Variants in TUT4 observed in about 807,000 individuals in gnomAD.
The protein encoded by TUT4 is terminal uridylyl transferase 4, also known as terminal uridylyltransferase 4.
In TUT4, 36 loss-of-function variants were observed where a neutral mutation model predicts 192.2. The observed-to-expected ratio is 0.19, with a 90% CI of 0.14 to 0.25. The LOEUF (loss-of-function observed/expected upper bound fraction) is 0.25, where lower values mean the gene tolerates loss of function less well. TUT4 is among the 10% of genes least tolerant of loss of function. The pLI, the probability that TUT4 is intolerant of heterozygous loss-of-function variation, is 1.00. For synonymous variants in TUT4, 618 were observed against 666.0 expected (o/e 0.93, Z 1.11); for missense variants, 1,493 against 1,957.2 (o/e 0.76, Z 4.47).
At chr1:52,514,672 A>C (rs1352751559) in intron 3 of TUT4, 1 of 152,212 alleles carries the variant, frequency 6.6e-6, no homozygotes, top group Non-Finnish European at 1.5e-5. Flanking sequence ...AAACTATACA[A>C]AATCATACCA....
At chr1:52,490,920 C>A in intron 7 of TUT4, 119 bp from the exon 8 acceptor site, 1 of 827,256 alleles carries the variant, frequency 1.2e-6, no homozygotes. Context: ...TGGGATAATC[C>A]ACTCTTCTCA....
chr1:52,553,222 A>G (rs1689944728), upstream of TUT4: 1 of 151,714 alleles, frequency 6.6e-6, no homozygotes. Flanking sequence ...GGGAGAGGAC[A>G]GAGCCTGTAA....
intron 4 of TUT4, among the ~76,000 whole-genome samples, chr1:52,498,370 A>G (rs993606824): frequency 6.6e-6 from 1 of 150,620 alleles, no homozygotes; most frequent in African/African-American, 2.4e-5. Context: ...CAGCCTTCCG[A>G]GTAGCTGGGA....
intron 1 of TUT4, among the ~76,000 whole-genome samples, chr1:52,542,157 T>G (rs116242810): frequency 0.012 from 1,750 of 152,146 alleles, 34 homozygotes; most frequent in African/African-American, 0.04. Context: ...CATAGAGAAA[T>G]AAAGTAGAAT....
In TUT4 at chr1:52,525,979, A is replaced by G. The variant is rs1259906569; in HGVS notation, c.302T>C (p.Phe101Ser). 1.9e-6 allele frequency: 3 copies of G among 1,613,938 alleles called. No individual in the cohort carries two copies. Among genetic ancestry groups the G allele is most frequent in the Admixed American group, 1.7e-5 (1 of 59,984 alleles). ...RDQSHCKAKK[F>S]PNSPVKAEKA... Reference sequence around the variant, plus strand: ...TTCGGCTTTCACCGGTGAATTAGGAAATTTTTTTGCTTTGCAATGACTTTG... The same window carrying G: ...TTCGGCTTTCACCGGTGAATTAGGAGATTTTTTTGCTTTGCAATGACTTTG... The change falls in exon 2 of 30, where the codon TTT becomes TCT. Residue 101 changes from phenylalanine (F) to serine (S), a missense_variant. This residue lies in a region of TUT4 where 260 missense variants were observed against 247.8 expected (regional missense o/e 1.05). Transcript: ENST00000257177.
chr1:52,503,466 T>C (rs1674710939), intron 4 of TUT4, among the ~76,000 whole-genome samples: 1 of 152,206 alleles, frequency 6.6e-6, no homozygotes, highest in Non-Finnish European at 1.5e-5. Flanking sequence ...TTGAGTCTAT[T>C]CTCCTTTTAT....
At chr1:52,462,969 CA>C (rs1306818848) in intron 16 of TUT4, 1 of 985,304 alleles carries the variant, frequency 1.0e-6, no homozygotes, top group Non-Finnish European at 1.2e-6. Context: ...GGAGCCATTG[CA>C]GCTAAACCAA....
Position 52,436,893 on chromosome 1 carries a change from C to T in TUT4, c.4024G>A (p.Asp1342Asn), listed in dbSNP as rs749579251. ...CGAGTATCGTGGAGGTCTCGGGGGT[C>T]AAGAACATCTCGGGAATCTTTCTCT... ...EEEKDSRDVL[D>N]PRDLHDTRDF... The change falls in exon 26 of 30, where the codon GAC (aspartate) becomes AAC (asparagine). Residue 1342 changes from aspartate (D) to asparagine (N), a missense_variant. By Grantham distance (23) the Asp-to-Asn change is conservative. This residue lies in a region of TUT4 where 351 missense variants were observed against 397.8 expected (regional missense o/e 0.88). Coordinates refer to ENST00000257177, the MANE Select transcript of TUT4 (RefSeq NM_001009881.3). 2 of 1,598,790 alleles carry T rather than the reference C, an allele frequency of 1.3e-6. No individual in the cohort carries two copies. Among genetic ancestry groups the T allele is most frequent in the Non-Finnish European group, 1.7e-6 (2 of 1,173,694 alleles).
intron 3 of TUT4, among the ~76,000 whole-genome samples, chr1:52,513,065 G>A (rs1199694237): frequency 1.3e-5 from 2 of 151,212 alleles, no homozygotes; most frequent in African/African-American, 4.9e-5. Context: ...AGAGGTTGCA[G>A]TGAGCCGAGA....
intron 8 of TUT4, 65 bp from the exon 9 acceptor site, chr1:52,489,100 C>CTG: frequency 6.8e-7 from 1 of 1,461,646 alleles, no homozygotes; most frequent in South Asian, 1.5e-5. Flanking sequence ...ACTTCAAATC[C>CTG]TGTGGCTATT....
At chr1:52,548,388 T>G (rs1479566536) in intron 1 of TUT4, among the ~76,000 whole-genome samples, 1 of 152,202 alleles carries the variant, frequency 6.6e-6, no homozygotes, top group African/African-American at 2.4e-5. Context: ...TTGCAAAATA[T>G]TTTTAACAAC....
At chr1:52,537,968 G>T (rs1685409779) in intron 1 of TUT4, among the ~76,000 whole-genome samples, 1 of 152,152 alleles carries the variant, frequency 6.6e-6, no homozygotes, top group Non-Finnish European at 1.5e-5. Flanking sequence ...GGGCATGGCG[G>T]CTCATGCCTA....
Position 52,463,364 on chromosome 1 carries a change from C to A in TUT4, c.3070-1595G>T, listed in dbSNP as rs1007447696. ...TAAGTAAAGGAGAACAAATAAAATA[C>A]TTGCAACTTTTCAGTTTCTTTATAA... On this transcript the variant is annotated intron_variant, in intron 16 of 29. Transcript: ENST00000257177. 13 of 996,564 alleles carry A rather than the reference C, an allele frequency of 1.3e-5. No individual in the cohort carries two copies. In the South Asian group the frequency reaches 2.2e-4, roughly 17 times the overall value. 61.7% of individuals were successfully genotyped at this position (996,564 alleles called of 1,614,324 possible).
At chr1:52,437,903 C>T (rs556505967) in intron 25 of TUT4, among the ~76,000 whole-genome samples, 11 of 151,248 alleles carry the variant, frequency 7.3e-5, no homozygotes, top group Admixed American at 2.0e-4. Flanking sequence ...TGCAGTGAGC[C>T]GAGATCACAC....
intron 1 of TUT4, among the ~76,000 whole-genome samples, chr1:52,548,178 T>C (rs1312656978): frequency 6.6e-6 from 1 of 152,038 alleles, no homozygotes; most frequent in Non-Finnish European, 1.5e-5. Flanking sequence ...CTCCAAAAGG[T>C]CCCCATAGTT....
At chr1:52,526,699 C>G (rs1054538560) in intron 1 of TUT4, among the ~76,000 whole-genome samples, 10 of 152,092 alleles carry the variant, frequency 6.6e-5, no homozygotes, top group African/African-American at 2.4e-4. Context: ...TCACAATTAA[C>G]ATGAAAGGAA....
Position 52,549,007 on chromosome 1 carries a change from T to C in TUT4, c.-94+3924A>G, listed in dbSNP as rs370654912. On this transcript the variant is annotated intron_variant, in intron 1 of 29. Transcript: ENST00000257177. ...GAGGTGTTTTCATCCCAAAAGACTTTTCCAAAAAATTAAAAGTTCTTGGAC... is the reference window on the plus strand; with the variant it reads ...GAGGTGTTTTCATCCCAAAAGACTTCTCCAAAAAATTAAAAGTTCTTGGAC... Among the ~76,000 whole-genome samples, 3 of 152,304 alleles carry C rather than the reference T, an allele frequency of 2.0e-5. No individual in the cohort carries two copies. The East Asian group carries it at 5.8e-4, about 29-fold the overall frequency.
intron 20 of TUT4, among the ~76,000 whole-genome samples, chr1:52,447,187 C>T (rs750903199): frequency 3.9e-5 from 6 of 152,058 alleles, no homozygotes; most frequent in Non-Finnish European, 7.4e-5. Context: ...CGGTGGTTCA[C>T]GCCTGTAATC....
At chr1:52,533,491 C>A (rs1185665539) in intron 1 of TUT4, among the ~76,000 whole-genome samples, 1 of 152,124 alleles carries the variant, frequency 6.6e-6, no homozygotes, top group Non-Finnish European at 1.5e-5. Context: ...CCTTGGATAT[C>A]CCTTCTTGGG....
Sources: gnomAD v4.1 joint callset for allele counts (sites outside exome capture counted in the v4.1 genomes callset) on GRCh38, gnomAD v4.1.1 for gene constraint, gnomAD v4.1.1 regional missense constraint, MANE v1.5 for transcripts, NCBI Gene and HGNC (gene_info 2026-07-23, HGNC 2026-07-21) for gene names.